The following ZCCHC17 variants were observed in gnomAD, a reference collection of about 807,000 sequenced individuals.
The protein encoded by ZCCHC17 is zinc finger CCHC-type containing 17, also known as zinc finger CCHC domain-containing protein 17.
Under a neutral mutation model 30.6 loss-of-function variants are expected in ZCCHC17, and 18 were observed. That is an observed-to-expected ratio of 0.59 (90% CI 0.41 to 0.87). The LOEUF is 0.87. Among genes scored for constraint, ZCCHC17 ranks in the 40% least tolerant of loss-of-function variants. ZCCHC17 has a pLI of 0.00. For missense variants in ZCCHC17, 263 were observed against 284.2 expected (o/e 0.93, Z 0.54); for synonymous variants, 88 against 92.4 (o/e 0.95, Z 0.27).
At chr1:31,360,556 G>A (rs143528193) in intron 7 of ZCCHC17, among the ~76,000 whole-genome samples, 157 of 152,294 alleles carry the variant, frequency 1.0e-3, no homozygotes, top group African/African-American at 3.6e-3. Context: ...CTGGAGGATT[G>A]GATTGTCTTT....
In ZCCHC17 at chr1:31,338,967, A is replaced by T. The variant is rs759249832; in HGVS notation, c.236A>T (p.Asp79Val). The part of the protein sequence containing the change: ...VKLIGREMKN[D>V]RIKVSLSMKV... ...TTTGGTCTCTTTCAGATGAAAAATGATAGAATAAAAGTATCCCTCTCCATG... is the reference window on the plus strand; with the variant it reads ...TTTGGTCTCTTTCAGATGAAAAATGTTAGAATAAAAGTATCCCTCTCCATG... The change falls in exon 5 of 8, where the codon GAT (aspartate) becomes GTT (valine). Residue 79 changes from aspartate to valine, a missense_variant. Transcript: ENST00000344147. The T allele has an allele frequency of 6.2e-7, 1 of 1,605,966 alleles. No individual in the cohort carries two copies. The highest frequency in any genetic ancestry group is 8.5e-7 in the Non-Finnish European group (1 of 1,178,068).
chr1:31,345,569 T>TATATATATATATAATATA (rs1639235972), intron 5 of ZCCHC17, among the ~76,000 whole-genome samples: 1 of 133,894 alleles, frequency 7.5e-6, no homozygotes, highest in African/African-American at 2.8e-5. Context: ...TATAATATAA[T>TATATATATATATAATATA]ATATATATAT....
chr1:31,311,869 G>A (rs1378366701), intron 2 of ZCCHC17, among the ~76,000 whole-genome samples: 2 of 152,194 alleles, frequency 1.3e-5, no homozygotes, highest in Non-Finnish European at 2.9e-5. Context: ...TAATCACTTG[G>A]GAAGTGGTTA....
In ZCCHC17 at chr1:31,348,829, G is replaced by T. The variant is rs1473213475; in HGVS notation, c.419G>T (p.Gly140Val). ...NTTCKKCGCKGHFAKDCFMQP... is the reference protein window; with the variant it reads ...NTTCKKCGCKVHFAKDCFMQP... ...TACCTTTTCTACTTTTCTTCTGCAG[G>T]CCACTTTGCAAAAGATTGTTTCATG... The change falls in exon 7 of 8, where the codon GGC becomes GTC. Residue 140 changes from glycine to valine, a missense_variant and splice_region_variant. Gly to Val is a moderately radical substitution (Grantham distance 109). Coordinates refer to ENST00000344147, the MANE Select transcript of ZCCHC17 (RefSeq NM_016505.4). 6.2e-7 allele frequency: 1 copy of T among 1,612,190 alleles called. No individual in the cohort carries two copies. Among genetic ancestry groups the T allele is most frequent in the East Asian group, 2.2e-5 (1 of 44,900 alleles).
intron 2 of ZCCHC17, among the ~76,000 whole-genome samples, chr1:31,314,915 C>T (rs186238329): frequency 2.0e-4 from 31 of 152,310 alleles, no homozygotes; most frequent in Admixed American, 1.4e-3. Context: ...GATCCATCTG[C>T]CTTGGCCTCC....
At chr1:31,297,704 T>A (rs1646200462) in intron 1 of ZCCHC17, among the ~76,000 whole-genome samples, 3 of 152,196 alleles carry the variant, frequency 2.0e-5, no homozygotes, top group Non-Finnish European at 4.4e-5. Context: ...TGCTGCCTGA[T>A]GCTATGAGTG....
At chr1:31,353,886 T>A (rs1254431437) in intron 7 of ZCCHC17, among the ~76,000 whole-genome samples, 1 of 152,222 alleles carries the variant, frequency 6.6e-6, no homozygotes, top group Non-Finnish European at 1.5e-5. Context: ...AGCTTTGAAG[T>A]TGGGAATTGT....
intron 7 of ZCCHC17, among the ~76,000 whole-genome samples, chr1:31,353,939 T>C (rs1156275976): frequency 6.6e-6 from 1 of 152,220 alleles, no homozygotes; most frequent in Non-Finnish European, 1.5e-5. Flanking sequence ...TTTGGGCTAT[T>C]TGGGGTCCTT....
intron 1 of ZCCHC17, 139 bp downstream of exon 1, chr1:31,297,214 G>GT (rs2148395923): frequency 2.5e-6 from 1 of 400,640 alleles, no homozygotes; most frequent in East Asian, 3.6e-5. Context: ...CCCAGCTGTG[G>GT]TAAGTAGTAG....
intron 7 of ZCCHC17, among the ~76,000 whole-genome samples, chr1:31,361,653 C>G (rs971332522): frequency 1.3e-5 from 2 of 152,012 alleles, no homozygotes; most frequent in Non-Finnish European, 2.9e-5. Flanking sequence ...AGGAGATTTC[C>G]ATTCATATGA....
intron 1 of ZCCHC17, among the ~76,000 whole-genome samples, chr1:31,300,848 A>G (rs1646293830): frequency 6.6e-6 from 1 of 151,962 alleles, no homozygotes; most frequent in South Asian, 2.1e-4. Flanking sequence ...AGGCAGGAGA[A>G]TCGCTTGAAC....
chr1:31,316,967 G>A (rs1055567137), intron 2 of ZCCHC17, among the ~76,000 whole-genome samples: 58 of 151,136 alleles, frequency 3.8e-4, no homozygotes, highest in African/African-American at 1.4e-3. Context: ...ATTTGGTTAA[G>A]TATAAGGCAC....
intron 2 of ZCCHC17, among the ~76,000 whole-genome samples, chr1:31,313,938 C>G (rs1451332434): frequency 6.6e-6 from 1 of 151,694 alleles, no homozygotes; most frequent in Non-Finnish European, 1.5e-5. Context: ...AATCTCGGCT[C>G]ACTGCAACCT....
Position 31,346,687 on chromosome 1 carries a change from A to G in ZCCHC17, c.365A>G (p.Lys122Arg). 2 of 1,614,106 alleles carry G rather than the reference A, an allele frequency of 1.2e-6. No homozygotes were observed. ...TCCTTCCAGGATTACACTGGGCAGA[A>G]GATCACCCTTGAGGCTGTCTTGAAC... ...RRSFQDYTGQ[K>R]ITLEAVLNTT... Residue 122 changes from lysine (K) to arginine (R), a missense_variant, in exon 6 of 8, where the codon AAG (lysine) becomes AGG (arginine). Lys to Arg is a conservative substitution (Grantham distance 26). Coordinates refer to ENST00000344147, the MANE Select transcript of ZCCHC17 (RefSeq NM_016505.4).
chr1:31,320,030 A>G (rs1311227172), intron 3 of ZCCHC17, among the ~76,000 whole-genome samples: 1 of 152,208 alleles, frequency 6.6e-6, no homozygotes, highest in Non-Finnish European at 1.5e-5. Context: ...CAAAGGGGGT[A>G]TTAGGAAAAG....
chr1:31,334,223 A>G (rs933586649), intron 3 of ZCCHC17, among the ~76,000 whole-genome samples: 38 of 152,018 alleles, frequency 2.5e-4, no homozygotes, highest in African/African-American at 8.2e-4. Flanking sequence ...ATGGATAGAG[A>G]AAGTAGTGGC....
Position 31,305,570 on chromosome 1 carries a change from T to C in ZCCHC17, c.-55-4474T>C, listed in dbSNP as rs117507838. On this transcript the variant is annotated intron_variant, in intron 1 of 7. Transcript: ENST00000344147. ...CTTCCAAAGTGCTGGGATACAGGCGTGAGCCACCATGCCCGGCCATAATTT... is the reference window on the plus strand; with the variant it reads ...CTTCCAAAGTGCTGGGATACAGGCGCGAGCCACCATGCCCGGCCATAATTT... 5.9e-3 allele frequency among the ~76,000 whole-genome samples: 893 copies of C among 152,276 alleles called. 71 individuals are homozygous for C. In the East Asian group the frequency reaches 0.15, roughly 25 times the overall value.
chr1:31,310,298 T>C, intron 2 of ZCCHC17, 134 bp downstream of exon 2: 1 of 770,264 alleles, frequency 1.3e-6, no homozygotes, highest in South Asian at 2.1e-5. Flanking sequence ...CAGCGGAACA[T>C]CTGGCAATCA....
At chr1:31,304,272 CT>C (rs5773350) in intron 1 of ZCCHC17, among the ~76,000 whole-genome samples, 48 of 146,662 alleles carry the variant, frequency 3.3e-4, no homozygotes, top group East Asian at 3.0e-3. Context: ...GTTATATACT[CT>C]TTTTTTTTTT....
Sources: allele counts gnomAD v4.1 joint callset (sites outside exome capture counted in the v4.1 genomes callset), GRCh38; gene constraint gnomAD v4.1.1; transcripts MANE v1.5; gene names NCBI Gene and HGNC (gene_info 2026-07-23, HGNC 2026-07-21).